TRIM26: variants seen among roughly 807,000 people sequenced by gnomAD.
The protein encoded by TRIM26 is tripartite motif-containing protein 26.
Under a neutral mutation model 45.5 loss-of-function variants are expected in TRIM26, and 16 were observed. That is an observed-to-expected ratio of 0.35 (90% confidence interval 0.24 to 0.53). TRIM26 has a LOEUF of 0.53. Among genes scored for constraint, TRIM26 ranks in the 20% least tolerant of loss-of-function variants. TRIM26 has a pLI of 0.92. For missense variants in TRIM26, 442 were observed against 691.1 expected (o/e 0.64, Z 4.04); for synonymous variants, 273 against 290.4 (o/e 0.94, Z 0.61).
chr6:30,189,837 CA>C lies in TRIM26; in HGVS notation c.788+175del. The stretch of plus-strand genomic sequence containing the variant: ...ACACAGAGAACCATAAGGAGGAGAG[CA>C]AGTCTCCAGTTCTCAATGATGTGTC... On this transcript the variant is annotated intron_variant, in intron 7 of 9. Transcript: ENST00000454678. The surrounding 1 kb of genome is among the most constrained non-coding windows in gnomAD (Gnocchi z 5.0). 1 of 740,468 alleles carries C rather than the reference CA, an allele frequency of 1.4e-6. No homozygotes were observed. Among genetic ancestry groups the C allele is most frequent in the South Asian group, 1.7e-5 (1 of 57,160 alleles). 45.9% of individuals were successfully genotyped at this position (740,468 alleles called of 1,614,324 possible). A position where few individuals can be genotyped will look rare whatever the true frequency, so the allele number is the denominator to read the frequency against.
intron 6 of TRIM26, among the ~76,000 whole-genome samples, chr6:30,193,064 ATATATATATATATG>A (rs1562198529): frequency 2.5e-4 from 1 of 4,064 alleles, no homozygotes; most frequent in Non-Finnish European, 4.6e-4. Flanking sequence ...GCTTTGTAGT[ATATATATATATATG>A]TATATATACA....
chr6:30,198,273 T>C lies in TRIM26; in HGVS notation c.534+156A>G, dbSNP rs571019742. 6.6e-6 allele frequency among the ~76,000 whole-genome samples: 1 copy of C among 152,298 alleles called. No homozygotes were observed. Among genetic ancestry groups the C allele is most frequent in the East Asian group, 1.9e-4 (1 of 5,176 alleles). On this transcript the variant is annotated intron_variant, in intron 5 of 9. Coordinates refer to ENST00000454678, the MANE Select transcript of TRIM26 (RefSeq NM_003449.5). This position sits in a 1 kb window ranked among gnomAD's most constrained non-coding sequence, Gnocchi z 6.3. ...ACTACACGGCTCAGAAAGACAGCAC[T>C]TGGGCTAAAACCCAGGTCTGCTACT...
intron 9 of TRIM26, chr6:30,188,534 C>A: frequency 4.0e-6 from 1 of 251,672 alleles, no homozygotes; most frequent in Non-Finnish European, 8.1e-6. Context: ...TAAGGTTTAA[C>A]CACTGCTAAC....
rs765752332 is a variant in TRIM26, at chr6:30,198,646, C to A, written c.438+20G>T. The A allele has an allele frequency of 6.2e-7, 1 of 1,603,424 alleles. No individual in the cohort carries two copies. Among genetic ancestry groups the A allele is most frequent in the East Asian group, 2.2e-5 (1 of 44,780 alleles). ...TCCAGAGAAGGTGGCAAGGCACCCT[C>A]GGGGGTGAAGAGGGCTTACCCTGTG... On this transcript the variant is annotated intron_variant, in intron 4 of 9. Coordinates refer to ENST00000454678, the MANE Select transcript of TRIM26 (RefSeq NM_003449.5). This position sits in a 1 kb window ranked among gnomAD's most constrained non-coding sequence, Gnocchi z 6.3.
rs763849595 is a variant in TRIM26 at position 30,207,551 on chromosome 6, G to A, written c.-375-2786C>T. Among the ~76,000 whole-genome samples, 11 of 152,206 alleles carry A rather than the reference G, an allele frequency of 7.2e-5. No homozygotes were observed. Among genetic ancestry groups the A allele is most frequent in the Admixed American group, 2.0e-4 (3 of 15,300 alleles). On this transcript the variant is annotated intron_variant, in intron 1 of 9. Transcript: ENST00000454678. The surrounding 1 kb of genome is among the most constrained non-coding windows in gnomAD (Gnocchi z 4.9). ...CACGTGTTAAACTGCCAATCTGCCC[G>A]GGTGACCAACCAGGTTAAACCCCTC...
intron 9 of TRIM26, chr6:30,188,508 A>G: frequency 7.6e-6 from 2 of 264,524 alleles, no homozygotes; most frequent in Non-Finnish European, 1.5e-5. Flanking sequence ...ACATTAATAA[A>G]GAAGCTACAA....
chr6:30,202,861 C>A (rs1190729765), intron 2 of TRIM26, among the ~76,000 whole-genome samples: 1 of 148,706 alleles, frequency 6.7e-6, no homozygotes, highest in Non-Finnish European at 1.5e-5. Flanking sequence ...TAAAAAAAAA[C>A]CTTCGAAAGA....
chr6:30,189,041 G>A lies in TRIM26; in HGVS notation c.937+126C>T. ...GCAAAGAGGGAGGGGGGCTTCTATTGTGCAGCTGGGAAATTCTTCCTGTTG... is the reference window on the plus strand; with the variant it reads ...GCAAAGAGGGAGGGGGGCTTCTATTATGCAGCTGGGAAATTCTTCCTGTTG... On this transcript the variant is annotated intron_variant, in intron 9 of 9. Coordinates refer to ENST00000454678, the MANE Select transcript of TRIM26 (RefSeq NM_003449.5). The surrounding 1 kb of genome is among the most constrained non-coding windows in gnomAD (Gnocchi z 5.0). 5.8e-6 allele frequency: 6 copies of A among 1,038,574 alleles called. No homozygotes were observed. The East Asian group carries it at 1.4e-4, about 25-fold the overall frequency. 64.3% of individuals were successfully genotyped at this position (1,038,574 alleles called of 1,614,324 possible).
rs1044288611 is a variant in TRIM26 at position 30,199,162 on chromosome 6, C to A, written c.-59G>T. On this transcript the variant is annotated 5_prime_UTR_variant, in exon 4 of 10. Coordinates refer to ENST00000454678, the MANE Select transcript of TRIM26 (RefSeq NM_003449.5). ...GGTGAGGACTTCTTCTCCTTGGAGACGCGACATAGAGTCAGGAGCAAGCAC... is the reference window on the plus strand; with the variant it reads ...GGTGAGGACTTCTTCTCCTTGGAGAAGCGACATAGAGTCAGGAGCAAGCAC... The A allele has an allele frequency of 4.7e-6, 7 of 1,492,634 alleles. No individual in the cohort carries two copies. The highest frequency in any genetic ancestry group is 6.3e-6 in the Non-Finnish European group (7 of 1,115,096). 92.5% of individuals were successfully genotyped at this position (1,492,634 alleles called of 1,614,324 possible). A position where few individuals can be genotyped will look rare whatever the true frequency, so the allele number is the denominator to read the frequency against.
chr6:30,188,336 C>A, intron 9 of TRIM26: 1 of 512,442 alleles, frequency 2.0e-6, no homozygotes, highest in South Asian at 5.9e-5. Context: ...GTAAACTGTT[C>A]AATTTCAGTT....
rs1778088632 is a variant in TRIM26 at position 30,209,736 on chromosome 6, A to G, written c.-376+3569T>C. 1.3e-5 allele frequency among the ~76,000 whole-genome samples: 2 copies of G among 152,102 alleles called. No homozygotes were observed. Among genetic ancestry groups the G allele is most frequent in the Non-Finnish European group, 2.9e-5 (2 of 68,020 alleles). On this transcript the variant is annotated intron_variant, in intron 1 of 9. Transcript: ENST00000454678. This position sits in a 1 kb window ranked among gnomAD's most constrained non-coding sequence, Gnocchi z 4.8. Reference sequence around the variant, plus strand: ...TAGCTGAGGCTGGGTTTGGTGCCTCATGCCTATAATCCTAGCACTGTGGGA... The same window carrying G: ...TAGCTGAGGCTGGGTTTGGTGCCTCGTGCCTATAATCCTAGCACTGTGGGA...
In TRIM26 at chr6:30,189,640, A is replaced by G; in HGVS notation, c.789-107T>C. ...TTATGAAGGGGAGAGGAAAGGTATG[A>G]TTATCCCCAAACAAGTGACAGAAAA... On this transcript the variant is annotated intron_variant, in intron 7 of 9. Coordinates refer to ENST00000454678, the MANE Select transcript of TRIM26 (RefSeq NM_003449.5). The surrounding 1 kb of genome is among the most constrained non-coding windows in gnomAD (Gnocchi z 5.0). 10 of 973,110 alleles carry G rather than the reference A, an allele frequency of 1.0e-5. No individual in the cohort carries two copies. The highest frequency in any genetic ancestry group is 1.6e-5 in the Non-Finnish European group (10 of 634,212). 60.3% of individuals were successfully genotyped at this position (973,110 alleles called of 1,614,324 possible). A position where few individuals can be genotyped will look rare whatever the true frequency, so the allele number is the denominator to read the frequency against.
rs973258082 is a variant in TRIM26, at chr6:30,189,606, TC to T, written c.789-74del. 7.8e-7 allele frequency: 1 copy of T among 1,281,756 alleles called. No individual in the cohort carries two copies. The highest frequency in any genetic ancestry group is 1.5e-5 in the African/African-American group (1 of 68,226). The allele number at this position is 1,281,756 out of a possible 1,614,324, so 79.4% of individuals were successfully genotyped here. A position where few individuals can be genotyped will look rare whatever the true frequency, so the allele number is the denominator to read the frequency against. ...TTCCTTCATACTTATCTCTCAATCC[TC>T]ATGGCAATTATGAAGGGGAGAGGAA... On this transcript the variant is annotated intron_variant, in intron 7 of 9. Coordinates refer to ENST00000454678, the MANE Select transcript of TRIM26 (RefSeq NM_003449.5). This position sits in a 1 kb window ranked among gnomAD's most constrained non-coding sequence, Gnocchi z 5.0.
intron 9 of TRIM26, chr6:30,188,311 G>A: frequency 5.8e-6 from 3 of 514,710 alleles, no homozygotes; most frequent in Non-Finnish European, 9.3e-6. Flanking sequence ...TGTAACACAA[G>A]CATTCAGGGT....
chr6:30,186,106 G>A lies in TRIM26; in HGVS notation c.1390C>T (p.Arg464Cys), dbSNP rs750752684. ...GCCCAGATGCCGGAGGAGGAGAGGC[G>A]CAGCGCCCACACGCCATCCTCTGGC... Reference protein sequence around the residue: ...LRPEDGVWALRLSSSGIWANT... With the variant: ...LRPEDGVWALCLSSSGIWANT... Residue 464 changes from arginine to cysteine, a missense_variant, in exon 10 of 10, where the codon CGC becomes TGC. Transcript: ENST00000454678. This position sits in a 1 kb window ranked among gnomAD's most constrained non-coding sequence, Gnocchi z 7.4. 13 of 1,589,330 alleles carry A rather than the reference G, an allele frequency of 8.2e-6. No homozygotes were observed. In the East Asian group the frequency reaches 9.2e-5, roughly 11 times the overall value.
chr6:30,204,192 G>T (rs888957974), intron 2 of TRIM26, among the ~76,000 whole-genome samples: 6 of 152,168 alleles, frequency 3.9e-5, no homozygotes, highest in Admixed American at 1.3e-4. Flanking sequence ...GCTCAGCAGG[G>T]TTAAGCAACT....
chr6:30,189,379 G>T lies in TRIM26; in HGVS notation c.904+39C>A, dbSNP rs1448098659. 3.1e-6 allele frequency: 5 copies of T among 1,602,996 alleles called. No homozygotes were observed. The South Asian group carries it at 5.5e-5, about 18-fold the overall frequency. Reference sequence around the variant, plus strand: ...TGCGCTCTTTCTACGAGGTAGCCCTGCTCTGACTCCCACCCTTTGTGCGCT... The same window carrying T: ...TGCGCTCTTTCTACGAGGTAGCCCTTCTCTGACTCCCACCCTTTGTGCGCT... On this transcript the variant is annotated intron_variant, in intron 8 of 9. Transcript: ENST00000454678. This position sits in a 1 kb window ranked among gnomAD's most constrained non-coding sequence, Gnocchi z 5.0.
rs763313350 is a variant in TRIM26 at position 30,207,669 on chromosome 6, C to T, written c.-375-2904G>A. 3.3e-5 allele frequency among the ~76,000 whole-genome samples: 5 copies of T among 152,122 alleles called. No individual in the cohort carries two copies. Among genetic ancestry groups the T allele is most frequent in the Non-Finnish European group, 7.3e-5 (5 of 68,032 alleles). ...GTCCCAGGAGATCCTAGCTGGATTC[C>T]CAGATAATCATGGCCCAGCCTGTGT... On this transcript the variant is annotated intron_variant, in intron 1 of 9. Transcript: ENST00000454678. This position sits in a 1 kb window ranked among gnomAD's most constrained non-coding sequence, Gnocchi z 4.9.
chr6:30,200,569 C>T (rs1001626288), intron 3 of TRIM26, among the ~76,000 whole-genome samples: 1 of 152,212 alleles, frequency 6.6e-6, no homozygotes, highest in Non-Finnish European at 1.5e-5. Context: ...GCTGTGGCTG[C>T]TATGTGCTGT....
Sources: gnomAD v4.1 joint callset for allele counts (sites outside exome capture counted in the v4.1 genomes callset) on GRCh38, gnomAD v4.1.1 for gene constraint, Gnocchi (gnomAD v3.1) non-coding constraint, MANE v1.5 for transcripts, NCBI Gene and HGNC (gene_info 2026-07-23, HGNC 2026-07-21) for gene names.